Variants in ZNF808 observed in about 807,000 individuals in gnomAD.
ZNF808 encodes the protein zinc finger protein 808.
In ZNF808, 5 loss-of-function variants were observed where a neutral mutation model predicts 8.7. That is an observed-to-expected ratio of 0.58 (90% confidence interval 0.30 to 1.21). The LOEUF is 1.21. Among genes scored for constraint, ZNF808 ranks in the 50% most tolerant of loss-of-function variants. The pLI, the probability that ZNF808 is intolerant of heterozygous loss-of-function variation, is 0.07. For missense variants in ZNF808, 1,103 were observed against 1,098.4 expected (o/e 1.00, Z -0.06); for synonymous variants, 380 against 366.0 (o/e 1.04, Z -0.44).
chr19:52,545,009 A>C (rs1195171826), intron 3 of ZNF808, among the ~76,000 whole-genome samples: 1 of 152,130 alleles, frequency 6.6e-6, no homozygotes, highest in Non-Finnish European at 1.5e-5. Context: ...TGGTCGAACT[A>C]CTGACCTTGT....
In ZNF808 at chr19:52,553,209, T is replaced by A. The variant is rs767133972; in HGVS notation, c.293T>A (p.Ile98Asn). The stretch of plus-strand genomic sequence containing the variant: ...TTGCAAAGACATCAAAGTTATCACA[T>A]TGGAGACTTTTGCTTCCAGGAAATT... ...GTLQRHQSYH[I>N]GDFCFQEIEK... The change falls in exon 5 of 5, where the codon ATT becomes AAT. Residue 98 changes from isoleucine to asparagine, a missense_variant. Ile to Asn is a moderately radical substitution (Grantham distance 149). Transcript: ENST00000359798. The A allele has an allele frequency of 6.2e-7, 1 of 1,613,960 alleles. No homozygotes were observed. Among genetic ancestry groups the A allele is most frequent in the African/African-American group, 1.3e-5 (1 of 74,926 alleles).
rs550868935 is a variant in ZNF808, at chr19:52,550,057, T to C, written c.190+2419T>C. Reference sequence around the variant, plus strand: ...CTTGTATTTTCTGGTCTGGTCATTTTCTGTACTGCCTGTGCTGACTATTGT... The same window carrying C: ...CTTGTATTTTCTGGTCTGGTCATTTCCTGTACTGCCTGTGCTGACTATTGT... On this transcript the variant is annotated intron_variant, in intron 4 of 4. Coordinates refer to ENST00000359798, the MANE Select transcript of ZNF808 (RefSeq NM_001039886.4). 1.5e-4 allele frequency among the ~76,000 whole-genome samples: 23 copies of C among 152,326 alleles called. No homozygotes were observed. In the East Asian group the frequency reaches 2.1e-3, roughly 14 times the overall value.
downstream of ZNF808, among the ~76,000 whole-genome samples, chr19:52,566,145 TTA>T (rs149929472): frequency 2.0e-5 from 3 of 150,842 alleles, no homozygotes; most frequent in Non-Finnish European, 4.4e-5. Context: ...GTGAAAGATT[TTA>T]TATATATATA....
At position 52,547,521 on chromosome 19, in the gene ZNF808, A is replaced by G. The variant is rs1216679148; in HGVS notation, c.73A>G (p.Thr25Ala). The G allele has an allele frequency of 8.1e-6, 13 of 1,613,864 alleles. No homozygotes were observed. The highest frequency in any genetic ancestry group is 9.3e-6 in the Non-Finnish European group (11 of 1,179,920). ...SGMALPQGRL[T>A]FRDVAIEFSL... ...GTATGTTTCATTTTAGGGACGCTTG[A>G]CTTTCAGGGATGTGGCTATAGAATT... Residue 25 changes from threonine to alanine, a missense_variant, in exon 4 of 5, where the codon ACT becomes GCT. Physicochemically the swap from Thr to Ala is moderately conservative, Grantham distance 58. Coordinates refer to ENST00000359798, the MANE Select transcript of ZNF808 (RefSeq NM_001039886.4).
At chr19:52,546,881 G>A (rs326441) in intron 3 of ZNF808, among the ~76,000 whole-genome samples, 52,529 of 147,454 alleles carry the variant, frequency 0.36, 10,358 homozygotes, top group East Asian at 0.54. Flanking sequence ...TGACCACATT[G>A]TCTACCTGCC....
chr19:52,565,970 G>T (rs1034165032), downstream of ZNF808, among the ~76,000 whole-genome samples: 2 of 152,118 alleles, frequency 1.3e-5, no homozygotes, highest in African/African-American at 4.8e-5. Context: ...TTGAGACCTA[G>T]TAGATACTTT....
intron 3 of ZNF808, among the ~76,000 whole-genome samples, chr19:52,545,821 A>T (rs2059714958): frequency 6.6e-6 from 1 of 151,992 alleles, no homozygotes; most frequent in East Asian, 1.9e-4. Context: ...GATTATATGT[A>T]TGCCTGTGTG....
rs1466233570 is a variant in ZNF808, at chr19:52,554,939, G to T, written c.2023G>T (p.Gly675Ter). ...SLVWHRRLHG[G>*]EKSYKCKVCD... ...TGTATGGCATCGTAGACTTCATGGT[G>T]GAGAGAAATCTTACAAATGTAAGGT... The change falls in exon 5 of 5, where the codon GGA (glycine) becomes TGA (stop). Residue 675 changes from glycine (G) to a stop codon, truncating the protein, a stop_gained. Transcript: ENST00000359798. LOFTEE classifies it low-confidence loss of function (END_TRUNC). The T allele has an allele frequency of 1.9e-6, 3 of 1,614,182 alleles. No homozygotes were observed. The highest frequency in any genetic ancestry group is 2.5e-6 in the Non-Finnish European group (3 of 1,180,022).
chr19:52,553,171 C>T lies in ZNF808; in HGVS notation c.255C>T (p.Ile85=). ...LSTGQGNREV[I]HTGTLQRHQS... is the part of the protein sequence containing the mutation. ...CAGGGCAAGGCAATAGAGAAGTGAT[C>T]CACACAGGGACATTGCAAAGACATC... The change falls in exon 5 of 5, where the codon ATC becomes ATT. Residue 85 remains isoleucine, a synonymous_variant. Transcript: ENST00000359798. The T allele has an allele frequency of 6.2e-7, 1 of 1,606,534 alleles. No homozygotes were observed. The highest frequency in any genetic ancestry group is 8.5e-7 in the Non-Finnish European group (1 of 1,177,490).
At chr19:52,559,084 G>A (rs2059848234), downstream of ZNF808, among the ~76,000 whole-genome samples, 1 of 152,214 alleles carries the variant, frequency 6.6e-6, no homozygotes, top group South Asian at 2.1e-4. Context: ...GGAAGGGAAA[G>A]ACCTGACCAT....
chr19:52,561,704 C>G (rs879416654), intron 3 of ZNF808, among the ~76,000 whole-genome samples: 1 of 152,034 alleles, frequency 6.6e-6, no homozygotes, highest in Non-Finnish European at 1.5e-5. Context: ...TGTACCACCA[C>G]ACCCAGCTAA....
downstream of ZNF808, among the ~76,000 whole-genome samples, chr19:52,557,857 A>T (rs769707545): frequency 3.0e-4 from 45 of 151,942 alleles, no homozygotes; most frequent in Non-Finnish European, 4.9e-4. Context: ...GTAAGACTTC[A>T]CACACACCTT....
intron 1 of ZNF808, chr19:52,527,979 C>T (rs944696629): frequency 6.6e-6 from 1 of 152,580 alleles, no homozygotes; most frequent in East Asian, 1.9e-4. Flanking sequence ...CTTCTTCTGA[C>T]TCTTCCCTCC....
chr19:52,553,516 C>T lies in ZNF808; in HGVS notation c.600C>T (p.Pro200=). 6.2e-7 allele frequency: 1 copy of T among 1,614,118 alleles called. No homozygotes were observed. Among genetic ancestry groups the T allele is most frequent in the Non-Finnish European group, 8.5e-7 (1 of 1,180,024 alleles). Residue 200 remains proline (P), a synonymous_variant, in exon 5 of 5, where the codon CCC becomes CCT. Transcript: ENST00000359798. Reference sequence around the variant, plus strand: ...CATCCCAAAGAATTTCCTGTAGGCCCCAAATCCATATTTCTAATAACTATG... The same window carrying T: ...CATCCCAAAGAATTTCCTGTAGGCCTCAAATCCATATTTCTAATAACTATG... ...VSTSQRISCR[P]QIHISNNYGN...
At chr19:52,533,953 ACATTTAAATAATTCTG>A (rs1568478074) in intron 2 of ZNF808, among the ~76,000 whole-genome samples, 1 of 151,880 alleles carries the variant, frequency 6.6e-6, no homozygotes, top group East Asian at 1.9e-4. Flanking sequence ...AAAGCTATGG[ACATTTAAATAATTCTG>A]AGCCTTGAGA....
intron 1 of ZNF808, among the ~76,000 whole-genome samples, chr19:52,529,868 G>A (rs993827399): frequency 1.3e-5 from 2 of 150,918 alleles, no homozygotes; most frequent in Non-Finnish European, 2.9e-5. Flanking sequence ...CCAGAGGCAT[G>A]AGCCACCAAG....
intron 4 of ZNF808, among the ~76,000 whole-genome samples, chr19:52,549,905 G>T (rs2059759403): frequency 6.6e-6 from 1 of 152,150 alleles, no homozygotes. Context: ...ATCAGTGTGT[G>T]CAGGGCATCA....
Position 52,553,381 on chromosome 19 carries a change from G to A in ZNF808, c.465G>A (p.Gln155=), listed in dbSNP as rs2059797557. ...RHAGNKPIKD[Q]LGSSFYSHLP... ...CTGGAAACAAGCCTATTAAAGATCA[G>A]CTTGGATCAAGCTTTTATTCACATC... Residue 155 remains glutamine (Q), a synonymous_variant, in exon 5 of 5, where the codon CAG becomes CAA. Coordinates refer to ENST00000359798, the MANE Select transcript of ZNF808 (RefSeq NM_001039886.4). 2.5e-6 allele frequency: 4 copies of A among 1,614,170 alleles called. No individual in the cohort carries two copies. Among genetic ancestry groups the A allele is most frequent in the Non-Finnish European group, 3.4e-6 (4 of 1,180,018 alleles).
Position 52,553,169 on chromosome 19 carries a change from A to T in ZNF808, c.253A>T (p.Ile85Phe), listed in dbSNP as rs2059794495. 1 of 1,606,680 alleles carries T rather than the reference A, an allele frequency of 6.2e-7. No individual in the cohort carries two copies. The change falls in exon 5 of 5, where the codon ATC becomes TTC. Residue 85 changes from isoleucine (I) to phenylalanine (F), a missense_variant. Physicochemically the swap from Ile to Phe is conservative, Grantham distance 21. Transcript: ENST00000359798. ...AACAGGGCAAGGCAATAGAGAAGTG[A>T]TCCACACAGGGACATTGCAAAGACA... ...LSTGQGNREV[I>F]HTGTLQRHQS...
Sources: gnomAD v4.1 joint callset for allele counts (sites outside exome capture counted in the v4.1 genomes callset) on GRCh38, gnomAD v4.1.1 for gene constraint, MANE v1.5 for transcripts, NCBI Gene and HGNC (gene_info 2026-07-23, HGNC 2026-07-21) for gene names.